Variants in ZNF385D observed in about 807,000 individuals in gnomAD.
ZNF385D encodes the protein zinc finger protein 659.
ZNF385D carries 15 observed loss-of-function variants against 35.8 expected under a neutral mutation model. That is an observed-to-expected ratio of 0.42 (90% CI 0.28 to 0.64). The LOEUF is 0.64. Ranked by LOEUF, ZNF385D falls within the 30% of genes least tolerant of loss-of-function variation. ZNF385D has a pLI of 0.23. For synonymous variants in ZNF385D, 212 were observed against 186.8 expected (o/e 1.13, Z -1.10); for missense variants, 474 against 494.6 (o/e 0.96, Z 0.39).
intron 2 of ZNF385D, among the ~76,000 whole-genome samples, chr3:22,299,830 A>C (rs1049906631): frequency 6.6e-6 from 1 of 151,978 alleles, no homozygotes; most frequent in African/African-American, 2.4e-5. Context: ...AAATAAATGG[A>C]AAGATAACCT....
chr3:22,195,810 T>C (rs765246679), intron 2 of ZNF385D, among the ~76,000 whole-genome samples: 3 of 151,968 alleles, frequency 2.0e-5, no homozygotes, highest in Non-Finnish European at 4.4e-5. Context: ...AAGAAAATGT[T>C]ATACATATAC....
intron 2 of ZNF385D, among the ~76,000 whole-genome samples, chr3:22,232,333 TC>T (rs1355092949): frequency 7.0e-6 from 1 of 143,400 alleles, no homozygotes; most frequent in Non-Finnish European, 1.5e-5. Flanking sequence ...TTTTTTTTTT[TC>T]AAATTTCCTA....
chr3:21,543,274 C>T (rs1333383525), intron 3 of ZNF385D, among the ~76,000 whole-genome samples: 1 of 152,188 alleles, frequency 6.6e-6, no homozygotes, highest in Non-Finnish European at 1.5e-5. Context: ...AAGATCACGC[C>T]ACTCTACTCC....
chr3:21,949,137 T>C (rs1701933956), intron 3 of ZNF385D, among the ~76,000 whole-genome samples: 1 of 152,230 alleles, frequency 6.6e-6, no homozygotes, highest in Admixed American at 6.5e-5. Flanking sequence ...CCTTTTATCA[T>C]CTGCTTAATT....
At chr3:22,123,922 A>ATCTCTCTC (rs34781505) in intron 3 of ZNF385D, among the ~76,000 whole-genome samples, 963 of 80,192 alleles carry the variant, frequency 0.012, 15 homozygotes, top group Non-Finnish European at 0.017. Flanking sequence ...GCTAGACTCC[A>ATCTCTCTC]TCTCTCTCTC....
At chr3:22,297,878 T>C (rs1702676484) in intron 2 of ZNF385D, among the ~76,000 whole-genome samples, 1 of 152,112 alleles carries the variant, frequency 6.6e-6, no homozygotes, top group Non-Finnish European at 1.5e-5. Context: ...ACAACGCGTA[T>C]TTTCATCCAA....
chr3:22,060,061 T>G (rs536400347), intron 3 of ZNF385D, among the ~76,000 whole-genome samples: 1 of 152,262 alleles, frequency 6.6e-6, no homozygotes, highest in South Asian at 2.1e-4. Flanking sequence ...ACCTTCAAAT[T>G]CCAGGATTTA....
chr3:22,184,172 C>T (rs1695471915), intron 2 of ZNF385D, among the ~76,000 whole-genome samples: 1 of 152,142 alleles, frequency 6.6e-6, no homozygotes, highest in African/African-American at 2.4e-5. Flanking sequence ...CCCTTCACCC[C>T]TCTGACTCTG....
At chr3:21,456,282 C>T (rs1344697017) in intron 4 of ZNF385D, among the ~76,000 whole-genome samples, 3 of 152,148 alleles carry the variant, frequency 2.0e-5, no homozygotes, top group Non-Finnish European at 2.9e-5. Context: ...AAGACACACG[C>T]ACATGTATGT....
At chr3:21,640,096 C>G (rs2065559303) in intron 2 of ZNF385D, among the ~76,000 whole-genome samples, 1 of 151,936 alleles carries the variant, frequency 6.6e-6, no homozygotes, top group South Asian at 2.1e-4. Flanking sequence ...AAAGTTTTCA[C>G]TTATTCTTTT....
chr3:22,071,614 T>C (rs1700232334), intron 3 of ZNF385D, among the ~76,000 whole-genome samples: 1 of 152,186 alleles, frequency 6.6e-6, no homozygotes, highest in African/African-American at 2.4e-5. Flanking sequence ...AAAAATTATA[T>C]GATGGGTAAG....
Position 22,032,660 on chromosome 3 carries a change from A to G in ZNF385D, c.325+136157T>C, listed in dbSNP as rs572250242. ...ATAGATCTGGCAAATTAAACTACAC[A>G]CTGACAAGTACTAAACAATTAAATA... is the stretch of plus-strand genomic sequence containing the variant. On this transcript the variant is annotated intron_variant, in intron 3 of 5. Transcript: ENST00000494108. Among the ~76,000 whole-genome samples the G allele has an allele frequency of 3.9e-5, 6 of 152,284 alleles. No individual in the cohort carries two copies. In the South Asian group the frequency reaches 1.2e-3, roughly 32 times the overall value.
intron 6 of ZNF385D, among the ~76,000 whole-genome samples, chr3:21,424,691 T>C (rs80252792): frequency 7.8e-6 from 1 of 127,454 alleles, no homozygotes; most frequent in Non-Finnish European, 1.7e-5. Context: ...ACACATCTCT[T>C]TTTTTTTTTT....
Position 21,730,503 on chromosome 3 carries a change from A to G in ZNF385D, c.22+20392T>C, listed in dbSNP as rs188159898. Among the ~76,000 whole-genome samples, 22 of 152,364 alleles carry G rather than the reference A, an allele frequency of 1.4e-4. No homozygotes were observed. The East Asian group carries it at 4.0e-3, about 28-fold the overall frequency. On this transcript the variant is annotated intron_variant, in intron 1 of 7. Transcript: ENST00000281523. The stretch of plus-strand genomic sequence containing the variant: ...GCCAGATAACTAACCCTTGATGAGA[A>G]AAAAATAATAATAATTCCACATACA...
chr3:21,799,932 T>C (rs567930134), intron 3 of ZNF385D, among the ~76,000 whole-genome samples: 69 of 152,302 alleles, frequency 4.5e-4, no homozygotes, highest in African/African-American at 1.6e-3. Context: ...TTTTGAATAA[T>C]GTGTGAGATA....
intron 2 of ZNF385D, among the ~76,000 whole-genome samples, chr3:22,225,687 A>T (rs143704890): frequency 6.6e-6 from 1 of 152,268 alleles, no homozygotes; most frequent in African/African-American, 2.4e-5. Context: ...CTTTACTAAT[A>T]GTTTCTGGAT....
intron 4 of ZNF385D, among the ~76,000 whole-genome samples, chr3:21,457,170 T>C (rs1481076495): frequency 1.3e-5 from 2 of 152,042 alleles, no homozygotes; most frequent in Non-Finnish European, 2.9e-5. Flanking sequence ...GAAAATAAAG[T>C]GATGCTTGGG....
intron 2 of ZNF385D, among the ~76,000 whole-genome samples, chr3:21,620,286 G>C (rs2064965860): frequency 6.6e-6 from 1 of 151,960 alleles, no homozygotes; most frequent in South Asian, 2.1e-4. Context: ...CTTAAGATGG[G>C]GCTGACCACT....
chr3:21,786,664 G>A (rs2125648532), intron 3 of ZNF385D, among the ~76,000 whole-genome samples: 1 of 152,276 alleles, frequency 6.6e-6, no homozygotes, highest in East Asian at 1.9e-4. Flanking sequence ...AGTGGTGACA[G>A]AATAATAAGG....
Sources: gnomAD v4.1 joint callset for allele counts (sites outside exome capture counted in the v4.1 genomes callset) on GRCh38, gnomAD v4.1.1 for gene constraint, MANE v1.5 for transcripts, NCBI Gene and HGNC (gene_info 2026-07-23, HGNC 2026-07-21) for gene names.